TRIM5: variants seen among roughly 807,000 people sequenced by gnomAD.
TRIM5 encodes the protein tripartite motif-containing protein 5.
Under a neutral mutation model 35.6 loss-of-function variants are expected in TRIM5, and 31 were observed. That is an observed-to-expected ratio of 0.87 (90% confidence interval 0.65 to 1.18). TRIM5 has a LOEUF of 1.18. TRIM5 is among the 50% of genes most tolerant of loss of function. The pLI, the probability that TRIM5 is intolerant of heterozygous loss-of-function variation, is 0.00. For missense variants in TRIM5, 609 were observed against 591.6 expected, an observed-to-expected ratio of 1.03 and a Z score of -0.31; for synonymous variants, 243 against 215.6, an observed-to-expected ratio of 1.13 and a Z score of -1.11.
At chr11:5,600,871 A>G in the TRIM5 span, among the ~76,000 whole-genome samples, 29 of 152,236 alleles carry the variant, frequency 1.9e-4, no homozygotes, top group Non-Finnish European at 1.5e-4. Flanking sequence ...TGGCCCAAAC[A>G]CAACTCCAGG....
chr11:5,609,470 A>T, the TRIM5 span, among the ~76,000 whole-genome samples: 7 of 152,044 alleles, frequency 4.6e-5, no homozygotes. Context: ...GACATCTTCA[A>T]CCCCTCTGAT....
Position 5,682,561 on chromosome 11 carries a change from G to C in TRIM5, c.-62+2307C>G, listed in dbSNP as rs1028281466. Among the ~76,000 whole-genome samples the C allele has an allele frequency of 3.3e-5, 5 of 152,126 alleles. No homozygotes were observed. The South Asian group carries it at 6.2e-4, about 19-fold the overall frequency. Reference sequence around the variant, plus strand: ...TATAGACAAAGTTGCTTAAGAAGAAGCCAGACTGCCCAGCATGGTCCAGAT... The same window carrying C: ...TATAGACAAAGTTGCTTAAGAAGAACCCAGACTGCCCAGCATGGTCCAGAT... On this transcript the variant is annotated intron_variant, in intron 1 of 7. Coordinates refer to ENST00000380034, the MANE Select transcript of TRIM5 (RefSeq NM_033034.3).
chr11:5,603,692 G>A, the TRIM5 span: 1 of 1,613,378 alleles, frequency 6.2e-7, no homozygotes, highest in Non-Finnish European at 8.5e-7. Flanking sequence ...GAGCACCGTG[G>A]TCACCACACG....
the TRIM5 span, among the ~76,000 whole-genome samples, chr11:5,647,663 C>T: frequency 2.0e-5 from 3 of 152,136 alleles, no homozygotes; most frequent in Non-Finnish European, 4.4e-5. Context: ...GCTAGGACTA[C>T]AGGCACACGC....
intron 1 of TRIM5, among the ~76,000 whole-genome samples, chr11:5,683,590 T>G (rs1007769282): frequency 1.1e-4 from 16 of 152,106 alleles, no homozygotes; most frequent in Non-Finnish European, 2.4e-4. Flanking sequence ...AACACACCAA[T>G]CAGCACCCTG....
chr11:5,617,606 G>T, the TRIM5 span, among the ~76,000 whole-genome samples: 1 of 140,004 alleles, frequency 7.1e-6, no homozygotes, highest in South Asian at 2.4e-4. Flanking sequence ...CACCAGCCTC[G>T]GCCTCCCGAG....
chr11:5,629,802 G>C, the TRIM5 span, among the ~76,000 whole-genome samples: 5 of 152,156 alleles, frequency 3.3e-5, no homozygotes, highest in African/African-American at 1.2e-4. Context: ...CTGCCTCCCG[G>C]GTTCACGCCA....
the TRIM5 span, among the ~76,000 whole-genome samples, chr11:5,638,213 A>T: frequency 1.3e-5 from 2 of 152,250 alleles, no homozygotes; most frequent in Non-Finnish European, 2.9e-5. Context: ...GCAGAAAATA[A>T]TATCAGTGAA....
chr11:5,628,255 C>A, the TRIM5 span, among the ~76,000 whole-genome samples: 1 of 152,200 alleles, frequency 6.6e-6, no homozygotes, highest in Non-Finnish European at 1.5e-5. Context: ...TCCTGGAGCC[C>A]CCCGGTATTT....
intron 4 of TRIM5, among the ~76,000 whole-genome samples, chr11:5,670,806 C>A (rs1429846477): frequency 6.6e-6 from 1 of 150,380 alleles, no homozygotes; most frequent in Non-Finnish European, 1.5e-5. Flanking sequence ...TAGGATCCTA[C>A]ACTTAAAAAT....
At chr11:5,680,355 G>A in intron 1 of TRIM5, 117 bp from the exon 2 acceptor site, 1 of 622,730 alleles carries the variant, frequency 1.6e-6, no homozygotes, top group Admixed American at 3.3e-5. Flanking sequence ...CAAAAAAAGG[G>A]GAGAAATAAG....
chr11:5,591,435 G>C, the TRIM5 span, among the ~76,000 whole-genome samples: 270 of 152,248 alleles, frequency 1.8e-3, 1 homozygote, highest in Middle Eastern at 6.8e-3. Context: ...GATCACCTGA[G>C]GTCAAGAGTT....
the TRIM5 span, chr11:5,596,792 G>T: frequency 3.2e-6 from 5 of 1,575,092 alleles, no homozygotes; most frequent in Non-Finnish European, 4.4e-6. Flanking sequence ...CCGAGTGAGC[G>T]CGCTCTGTTC....
intron 4 of TRIM5, 113 bp from the exon 5 acceptor site, chr11:5,667,824 T>C (rs946252906): frequency 1.7e-6 from 2 of 1,172,234 alleles, no homozygotes; most frequent in Non-Finnish European, 2.4e-6. Flanking sequence ...ATGGTGACAG[T>C]GTGAAAGACA....
intron 1 of TRIM5, among the ~76,000 whole-genome samples, chr11:5,683,233 G>A (rs969741947): frequency 2.6e-5 from 4 of 152,134 alleles, no homozygotes; most frequent in Admixed American, 6.5e-5. Context: ...GACGAGCACC[G>A]CCCCCTGCTC....
chr11:5,628,259 G>A, the TRIM5 span, among the ~76,000 whole-genome samples: 3 of 152,146 alleles, frequency 2.0e-5, no homozygotes, highest in Non-Finnish European at 4.4e-5. Flanking sequence ...GGAGCCCCCC[G>A]GTATTTCTAA....
At chr11:5,592,114 A>G in the TRIM5 span, among the ~76,000 whole-genome samples, 4 of 152,230 alleles carry the variant, frequency 2.6e-5, no homozygotes, top group Non-Finnish European at 5.9e-5. Flanking sequence ...TTTAGAGAAA[A>G]TGAGATAATA....
intron 1 of TRIM5, among the ~76,000 whole-genome samples, chr11:5,684,499 T>C (rs1852861125): frequency 6.6e-6 from 1 of 152,214 alleles, no homozygotes; most frequent in Non-Finnish European, 1.5e-5. Context: ...GCCAAGGTGA[T>C]GAGAACTGAC....
At chr11:5,592,135 A>G in the TRIM5 span, among the ~76,000 whole-genome samples, 1 of 152,230 alleles carries the variant, frequency 6.6e-6, no homozygotes, top group African/African-American at 2.4e-5. Flanking sequence ...GGAAAGAAAC[A>G]AACAAAAAGC....
Sources: allele counts gnomAD v4.1 joint callset (sites outside exome capture counted in the v4.1 genomes callset), GRCh38; gene constraint gnomAD v4.1.1; transcripts MANE v1.5; gene names NCBI Gene and HGNC (gene_info 2026-07-23, HGNC 2026-07-21).